Variants in GRB7 observed in about 807,000 individuals in gnomAD.
GRB7 encodes the protein growth factor receptor bound protein 7, also known as growth factor receptor-bound protein 7.
A neutral mutation model predicts 64.1 loss-of-function variants in GRB7; 47 were observed. The observed-to-expected ratio is 0.73, with a 90% confidence interval of 0.58 to 0.94. The LOEUF (loss-of-function observed/expected upper bound fraction) is 0.94. GRB7 is among the 40% of genes least tolerant of loss of function. The probability of loss-of-function intolerance (pLI) is 0.00; values close to 1 mark genes in which losing one functional copy is unlikely to be tolerated. For synonymous variants in GRB7, 277 were observed against 279.9 expected (o/e 0.99, Z 0.10); for missense variants, 634 against 718.4 (o/e 0.88, Z 1.34).
chr17:39,745,195 C>T (rs1001675156), intron 9 of GRB7, 48 bp from the exon 10 acceptor site: 3 of 1,482,424 alleles, frequency 2.0e-6, no homozygotes, highest in African/African-American at 2.8e-5. Context: ...CACAGCCACG[C>T]CCCCAGGACC....
rs2059982904 is a variant in GRB7, at chr17:39,740,144, A to C, written c.-51+2011A>C. On this transcript the variant is annotated intron_variant, in intron 1 of 14. Coordinates refer to ENST00000309156, the MANE Select transcript of GRB7 (RefSeq NM_005310.5). ...CGTGGCCCCCTGCAGCCTGGAATGAAGTCACTGGGGCTGTTTGGAGACCGG... is the reference window on the plus strand; with the variant it reads ...CGTGGCCCCCTGCAGCCTGGAATGACGTCACTGGGGCTGTTTGGAGACCGG... 6 of 985,496 alleles carry C rather than the reference A, an allele frequency of 6.1e-6. No individual in the cohort carries two copies. In the South Asian group the frequency reaches 2.8e-4, roughly 46 times the overall value. 61.0% of individuals were successfully genotyped at this position (985,496 alleles called of 1,614,324 possible).
chr17:39,744,943 C>G lies in GRB7; in HGVS notation c.970C>G (p.Gln324Glu). ...TCGGATCTTCTGCAGTGAAGATGAG[C>G]AGAGCCGCACCTGCTGGCTGGCTGC... ...GLRIFCSEDE[Q>E]SRTCWLAAFR... Residue 324 changes from glutamine (Q) to glutamate (E), a missense_variant, in exon 9 of 15, where the codon CAG (glutamine) becomes GAG (glutamate). Coordinates refer to ENST00000309156, the MANE Select transcript of GRB7 (RefSeq NM_005310.5). The G allele has an allele frequency of 6.2e-7, 1 of 1,614,068 alleles. No individual in the cohort carries two copies. Among genetic ancestry groups the G allele is most frequent in the East Asian group, 2.2e-5 (1 of 44,878 alleles).
At chr17:39,740,017 C>A (rs776744280) in intron 1 of GRB7, 5 of 985,454 alleles carry the variant, frequency 5.1e-6, no homozygotes, top group Non-Finnish European at 6.0e-6. Flanking sequence ...AGGCCAGGCT[C>A]TAATGTGATT....
At chr17:39,740,824 G>T (rs755635224) in intron 1 of GRB7, among the ~76,000 whole-genome samples, 58 of 146,756 alleles carry the variant, frequency 4.0e-4, no homozygotes, top group Non-Finnish European at 6.6e-4. Context: ...TGTCCCGCCC[G>T]CCCTGACTCA....
At chr17:39,742,487 CAGTGCTGGATAAT>C in intron 2 of GRB7, 31 bp downstream of exon 2, 1 of 1,612,638 alleles carries the variant, frequency 6.2e-7, no homozygotes, top group South Asian at 1.1e-5. Flanking sequence ...TGGGGGAGGT[CAGTGCTGGATAAT>C]ACACAGAGGC....
Position 39,743,062 on chromosome 17 carries a change from A to T in GRB7, c.463+8A>T. The T allele has an allele frequency of 6.2e-7, 1 of 1,600,570 alleles. No individual in the cohort carries two copies. Among genetic ancestry groups the T allele is most frequent in the Non-Finnish European group, 8.5e-7 (1 of 1,171,660 alleles). ...ACCCCCACCTAGCACTGGGTAAGTC[A>T]GGTGCATGGAACTATCCGGGCTGGG... On this transcript the variant is annotated splice_region_variant and intron_variant, in intron 4 of 14. Coordinates refer to ENST00000309156, the MANE Select transcript of GRB7 (RefSeq NM_005310.5).
chr17:39,740,111 G>C (rs899947563), intron 1 of GRB7: 8 of 985,450 alleles, frequency 8.1e-6, no homozygotes, highest in Non-Finnish European at 9.6e-6. Context: ...CTGTGATTTC[G>C]AGGCAGGCGT....
At position 39,740,675 on chromosome 17, in the gene GRB7, C is replaced by T. The variant is rs78622826; in HGVS notation, c.-50-1577C>T. Among the ~76,000 whole-genome samples, 461 of 152,308 alleles carry T rather than the reference C, an allele frequency of 3.0e-3. 23 individuals carry two copies. In the East Asian group the frequency reaches 0.082, roughly 27 times the overall value. On this transcript the variant is annotated intron_variant, in intron 1 of 14. Coordinates refer to ENST00000309156, the MANE Select transcript of GRB7 (RefSeq NM_005310.5). ...CTCCTCCCCCATCCTGTTCCCAGCCCCGTGCCTCCCCCATTCCGCTCTGGC... is the reference window on the plus strand; with the variant it reads ...CTCCTCCCCCATCCTGTTCCCAGCCTCGTGCCTCCCCCATTCCGCTCTGGC...
chr17:39,742,162 A>T, intron 1 of GRB7, 90 bp from the exon 2 acceptor site: 1 of 848,330 alleles, frequency 1.2e-6, no homozygotes, highest in Non-Finnish European at 2.0e-6. Flanking sequence ...AACTCCAGTT[A>T]GAGCAGTGAG....
rs2060014898 is a variant in GRB7, at chr17:39,743,429, C to T, written c.622C>T (p.Leu208Phe). ...LFPEKMVSSC[L>F]DAHTGISHED... is the part of the protein sequence containing the mutation. The stretch of plus-strand genomic sequence containing the variant: ...CCCAGAAAAAATGGTCTCCAGCTGT[C>T]TCGATGCACACACTGGTATATCCCA... Residue 208 changes from leucine to phenylalanine, a missense_variant, in exon 6 of 15, where the codon CTC becomes TTC. Around this residue, in one of 2 missense-constraint regions of GRB7, gnomAD observed 467 missense variants for 576.6 expected, o/e 0.81. Coordinates refer to ENST00000309156, the MANE Select transcript of GRB7 (RefSeq NM_005310.5). 6.2e-7 allele frequency: 1 copy of T among 1,614,082 alleles called. No homozygotes were observed. The highest frequency in any genetic ancestry group is 1.1e-5 in the South Asian group (1 of 91,088).
rs66788250 is a variant in GRB7, at chr17:39,745,724, A to G, written c.1210-4A>G. The G allele has an allele frequency of 4.4e-3, 7,079 of 1,613,316 alleles. 303 individuals are homozygous for G. In the African/African-American group the frequency reaches 0.085, roughly 19 times the overall value. ...ACTCTCCCGTATCTCCCACTGCTCC[A>G]CAGAAGAAGACAAACCACCGCCTCA... On this transcript the variant is annotated splice_polypyrimidine_tract_variant and splice_region_variant and intron_variant, in intron 11 of 14. Transcript: ENST00000309156.
rs112084267 is a variant in GRB7 at position 39,746,834 on chromosome 17, C to T, written c.1536C>T (p.His512=). ...FTDLLQLVEF[H]QLNRGILPCL... ...ACCTGCTGCAGCTCGTGGAGTTCCACCAGCTGAACCGCGGCATCCTGCCGT... is the reference window on the plus strand; with the variant it reads ...ACCTGCTGCAGCTCGTGGAGTTCCATCAGCTGAACCGCGGCATCCTGCCGT... The change falls in exon 15 of 15, where the codon CAC becomes CAT. Residue 512 remains histidine, a synonymous_variant. Coordinates refer to ENST00000309156, the MANE Select transcript of GRB7 (RefSeq NM_005310.5). The T allele has an allele frequency of 2.6e-3, 4,161 of 1,613,736 alleles. 15 individuals carry two copies. The highest frequency in any genetic ancestry group is 4.9e-3 in the South Asian group (446 of 91,086).
At chr17:39,744,855 T>A in intron 8 of GRB7, 31 bp from the exon 9 acceptor site, 1 of 1,570,154 alleles carries the variant, frequency 6.4e-7, no homozygotes, top group Non-Finnish European at 8.8e-7. Flanking sequence ...TAAAGGCAGA[T>A]ATGGGACCAG....
intron 6 of GRB7, among the ~76,000 whole-genome samples, 166 bp from the exon 7 acceptor site, chr17:39,743,904 G>A (rs1444432003): frequency 6.6e-6 from 1 of 151,344 alleles, no homozygotes; most frequent in Non-Finnish European, 1.5e-5. Flanking sequence ...GAGGTGGGAG[G>A]ATCACTTGAG....
In GRB7 at chr17:39,742,522, T is replaced by G. The variant is rs1442673792; in HGVS notation, c.156-44T>G. On this transcript the variant is annotated intron_variant, in intron 2 of 14. Transcript: ENST00000309156. Reference sequence around the variant, plus strand: ...TAATACACAGAGGCTTGCAGGCCACTGCTCCCTTCCCCACACCTCTCTCCC... The same window carrying G: ...TAATACACAGAGGCTTGCAGGCCACGGCTCCCTTCCCCACACCTCTCTCCC... The G allele has an allele frequency of 1.9e-6, 3 of 1,613,244 alleles. No homozygotes were observed. The African/African-American group carries it at 4.0e-5, about 22-fold the overall frequency.
chr17:39,746,629 A>G (rs1282746590), intron 14 of GRB7, 122 bp from the exon 15 acceptor site: 4 of 1,189,326 alleles, frequency 3.4e-6, no homozygotes, highest in East Asian at 2.4e-5. Context: ...AAAAAAAAAA[A>G]GAAAGAAAAA....
At chr17:39,740,387 G>A (rs1259448630) in intron 1 of GRB7, among the ~76,000 whole-genome samples, 1 of 152,186 alleles carries the variant, frequency 6.6e-6, no homozygotes, top group African/African-American at 2.4e-5. Flanking sequence ...AGGAGAATGT[G>A]TCAGGAGGAA....
intron 6 of GRB7, 90 bp downstream of exon 6, chr17:39,743,560 T>C: frequency 1.9e-6 from 2 of 1,046,860 alleles, no homozygotes; most frequent in Non-Finnish European, 3.0e-6. Flanking sequence ...CTCCCCTCTA[T>C]GTTGTAGAAA....
intron 7 of GRB7, 140 bp from the exon 8 acceptor site, chr17:39,744,413 G>C: frequency 1.2e-6 from 1 of 841,902 alleles, no homozygotes; most frequent in East Asian, 2.6e-5. Context: ...TTAAGTCCTG[G>C]CTCTACTTCT....
Sources: gnomAD v4.1 joint callset for allele counts (sites outside exome capture counted in the v4.1 genomes callset) on GRCh38, gnomAD v4.1.1 for gene constraint, gnomAD v4.1.1 regional missense constraint, MANE v1.5 for transcripts, NCBI Gene and HGNC (gene_info 2026-07-23, HGNC 2026-07-21) for gene names.